The following PDE1A variants were observed in gnomAD, a reference collection of about 807,000 sequenced individuals.
PDE1A encodes the protein phosphodiesterase 1A.
Under a neutral mutation model 61.7 loss-of-function variants are expected in PDE1A, and 35 were observed. The observed-to-expected ratio is 0.57, with a 90% CI of 0.43 to 0.75. The LOEUF (loss-of-function observed/expected upper bound fraction) is 0.75, where lower values mean the gene tolerates loss of function less well. Among genes scored for constraint, PDE1A ranks in the 30% least tolerant of loss-of-function variants. PDE1A has a pLI of 0.00. For synonymous variants in PDE1A, 232 were observed against 213.2 expected (o/e 1.09, Z -0.77); for missense variants, 597 against 630.6 (o/e 0.95, Z 0.57).
chr2:182,443,555 C>G (rs1466406622), intron 2 of PDE1A, among the ~76,000 whole-genome samples: 1 of 151,998 alleles, frequency 6.6e-6, no homozygotes, highest in Non-Finnish European at 1.5e-5. Flanking sequence ...TTTGCTCTGT[C>G]TCTCTCCTGT....
the PDE1A span, among the ~76,000 whole-genome samples, chr2:182,539,206 T>TCATAGTAAA: frequency 6.6e-6 from 1 of 152,208 alleles, no homozygotes; most frequent in African/African-American, 2.4e-5. Flanking sequence ...ACATGGTTTA[T>TCATAGTAAA]TTTACTCATA....
intron 13 of PDE1A, among the ~76,000 whole-genome samples, chr2:182,183,388 C>A (rs536321878): frequency 3.9e-5 from 6 of 152,168 alleles, no homozygotes; most frequent in Non-Finnish European, 8.8e-5. Flanking sequence ...ACCTTCTTGC[C>A]TGAAGTTACT....
chr2:182,189,367 A>G (rs1233749536), intron 10 of PDE1A, among the ~76,000 whole-genome samples: 1 of 152,214 alleles, frequency 6.6e-6, no homozygotes, highest in Non-Finnish European at 1.5e-5. Flanking sequence ...CAAAGTCACC[A>G]TAAAATAACT....
At chr2:182,506,905 ACTTCT>A (rs1175390949) in intron 2 of PDE1A, among the ~76,000 whole-genome samples, 2 of 152,162 alleles carry the variant, frequency 1.3e-5, no homozygotes, top group Non-Finnish European at 2.9e-5. Flanking sequence ...TTTACTCTAT[ACTTCT>A]CTTCTATTTG....
At chr2:182,400,389 T>C (rs1392425023) in intron 1 of PDE1A, among the ~76,000 whole-genome samples, 1 of 152,204 alleles carries the variant, frequency 6.6e-6, no homozygotes, top group Non-Finnish European at 1.5e-5. Flanking sequence ...TCCATTTACA[T>C]TACAATAATT....
intron 2 of PDE1A, among the ~76,000 whole-genome samples, chr2:182,459,507 C>G (rs2125756751): frequency 6.6e-6 from 1 of 152,210 alleles, no homozygotes; most frequent in African/African-American, 2.4e-5. Context: ...GAAGCTTGGT[C>G]AGAAAAGGAA....
At chr2:182,146,092 T>C (rs1347910083), downstream of PDE1A, among the ~76,000 whole-genome samples, 1 of 152,186 alleles carries the variant, frequency 6.6e-6, no homozygotes, top group Non-Finnish European at 1.5e-5. Flanking sequence ...GACATCTCCA[T>C]TGTAAATACA....
chr2:182,469,785 C>T (rs1686909514), intron 2 of PDE1A, among the ~76,000 whole-genome samples: 1 of 151,750 alleles, frequency 6.6e-6, no homozygotes, highest in African/African-American at 2.4e-5. Context: ...ATTTAGAGGC[C>T]TTAGAGGCCA....
At chr2:182,201,647 T>TAAAAAAAAA in intron 9 of PDE1A, 41 bp downstream of exon 9, 1 of 569,396 alleles carries the variant, frequency 1.8e-6, no homozygotes, top group Non-Finnish European at 2.3e-6. Flanking sequence ...AACTTTAACA[T>TAAAAAAAAA]GACAAAAAAA....
chr2:182,417,590 C>T (rs1438826529), intron 1 of PDE1A, among the ~76,000 whole-genome samples: 1 of 152,050 alleles, frequency 6.6e-6, no homozygotes, highest in East Asian at 1.9e-4. Flanking sequence ...TCTTCATATT[C>T]AGAAGTCCAC....
intron 10 of PDE1A, among the ~76,000 whole-genome samples, chr2:182,192,941 T>G (rs554309394): frequency 6.6e-6 from 1 of 152,276 alleles, no homozygotes; most frequent in Non-Finnish European, 1.5e-5. Flanking sequence ...TGTTTGTTTT[T>G]TGCATTTCTC....
At chr2:182,219,099 ACT>A (rs71824301) in intron 7 of PDE1A, among the ~76,000 whole-genome samples, 175 of 151,998 alleles carry the variant, frequency 1.2e-3, no homozygotes, top group African/African-American at 3.9e-3. Flanking sequence ...CTAGTTTTTT[ACT>A]CTCTTATAAT....
the PDE1A span, among the ~76,000 whole-genome samples, chr2:182,674,493 C>G: frequency 1.3e-5 from 2 of 151,958 alleles, no homozygotes; most frequent in East Asian, 3.9e-4. Flanking sequence ...TCATCCCTAC[C>G]AATATGAAAT....
intron 2 of PDE1A, among the ~76,000 whole-genome samples, chr2:182,454,453 A>C (rs1181225406): frequency 6.6e-6 from 1 of 152,150 alleles, no homozygotes; most frequent in Non-Finnish European, 1.5e-5. Flanking sequence ...AAGAGCCCGC[A>C]TCGCCAAGTC....
intron 7 of PDE1A, among the ~76,000 whole-genome samples, chr2:182,207,660 C>T (rs966374359): frequency 7.2e-5 from 11 of 152,172 alleles, no homozygotes; most frequent in African/African-American, 2.4e-4. Flanking sequence ...AATTTGCATA[C>T]GTAAAGAGAA....
chr2:182,458,039 C>G (rs2125750202), intron 2 of PDE1A, among the ~76,000 whole-genome samples: 1 of 152,032 alleles, frequency 6.6e-6, no homozygotes. Flanking sequence ...TCAATATTAG[C>G]AAATGTACAT....
chr2:182,510,588 G>A (rs1689719415), intron 2 of PDE1A, among the ~76,000 whole-genome samples: 1 of 152,158 alleles, frequency 6.6e-6, no homozygotes, highest in Non-Finnish European at 1.5e-5. Context: ...CAATTACCTA[G>A]AAGTCAAGTC....
intron 1 of PDE1A, among the ~76,000 whole-genome samples, chr2:182,311,996 T>A (rs1467608515): frequency 6.6e-6 from 1 of 152,194 alleles, no homozygotes; most frequent in Non-Finnish European, 1.5e-5. Context: ...GGTATCTCAC[T>A]GCAGTTTTAA....
chr2:182,639,271 A>G, the PDE1A span, among the ~76,000 whole-genome samples: 1,046 of 152,292 alleles, frequency 6.9e-3, 18 homozygotes, highest in African/African-American at 0.024. Context: ...GACCTGAGAG[A>G]ACTCAGGAAA....
Sources: gnomAD v4.1 joint callset for allele counts (sites outside exome capture counted in the v4.1 genomes callset) on GRCh38, gnomAD v4.1.1 for gene constraint, MANE v1.5 for transcripts, NCBI Gene and HGNC (gene_info 2026-07-23, HGNC 2026-07-21) for gene names.